SGIP1: variants seen among roughly 807,000 people sequenced by gnomAD.
SGIP1 encodes SH3GL interacting endocytic adaptor 1, also known as SH3-containing GRB2-like protein 3-interacting protein 1.
In SGIP1, 38 loss-of-function variants were observed where a neutral mutation model predicts 107.5. That is an observed-to-expected ratio of 0.35 (90% CI 0.27 to 0.46). SGIP1 has a LOEUF of 0.46. Ranked by LOEUF, SGIP1 falls within the 20% of genes least tolerant of loss-of-function variation. The pLI, the probability that SGIP1 is intolerant of heterozygous loss-of-function variation, is 1.00. For synonymous variants in SGIP1, 365 were observed against 366.1 expected (o/e 1.00, Z 0.03); for missense variants, 929 against 1,019.5 (o/e 0.91, Z 1.21).
chr1:66,667,683 T>A (rs1427153386), intron 9 of SGIP1, 142 bp downstream of exon 9: 3 of 743,176 alleles, frequency 4.0e-6, no homozygotes, highest in Non-Finnish European at 7.1e-6. Context: ...ATTGAAAGCC[T>A]CTGACCCTCT....
chr1:66,542,502 G>A (rs149114971), intron 1 of SGIP1, among the ~76,000 whole-genome samples: 248 of 152,190 alleles, frequency 1.6e-3, no homozygotes, highest in African/African-American at 5.4e-3. Flanking sequence ...CAGGCACTGC[G>A]ATATGCAACA....
chr1:66,723,301 G>A (rs2093622035), intron 19 of SGIP1, among the ~76,000 whole-genome samples: 1 of 152,166 alleles, frequency 6.6e-6, no homozygotes, highest in South Asian at 2.1e-4. Flanking sequence ...ATTGGGAACA[G>A]AAATCTACTA....
rs150756455 is a variant in SGIP1 at position 66,733,771 on chromosome 1, A to G, written c.1922A>G (p.Asn641Ser). The G allele has an allele frequency of 5.6e-6, 9 of 1,613,260 alleles. No homozygotes were observed. The African/African-American group carries it at 6.7e-5, about 12-fold the overall frequency. The change falls in exon 21 of 25, where the codon AAT (asparagine) becomes AGT (serine). Residue 641 changes from asparagine (N) to serine (S), a missense_variant. This residue lies in a region of SGIP1 where 341 missense variants were observed against 430.9 expected (regional missense o/e 0.79). Transcript: ENST00000371037. ...AGTGATAATACACAAAATGATGCCA[A>G]TACCAAGGAATTCTGGGTAAACATG... Reference protein sequence around the residue: ...LCCDNTQNDANTKEFWVNMPN... With the variant: ...LCCDNTQNDASTKEFWVNMPN...
chr1:66,612,431 G>A (rs943999228), intron 1 of SGIP1, among the ~76,000 whole-genome samples: 1 of 152,182 alleles, frequency 6.6e-6, no homozygotes. Flanking sequence ...AAGAGATGTG[G>A]ATTTTCCTCC....
intron 15 of SGIP1, among the ~76,000 whole-genome samples, chr1:66,686,374 T>A (rs1284842162): frequency 6.6e-6 from 1 of 152,244 alleles, no homozygotes; most frequent in Non-Finnish European, 1.5e-5. Context: ...CAACCTTTTT[T>A]AACTCACAAA....
At chr1:66,736,775 C>T (rs944024909) in intron 21 of SGIP1, among the ~76,000 whole-genome samples, 1 of 151,642 alleles carries the variant, frequency 6.6e-6, no homozygotes, top group Non-Finnish European at 1.5e-5. Flanking sequence ...GAATGCCACC[C>T]AGGTATCTGT....
At chr1:66,586,016 G>C (rs533187202) in intron 1 of SGIP1, among the ~76,000 whole-genome samples, 1 of 152,138 alleles carries the variant, frequency 6.6e-6, no homozygotes, top group African/African-American at 2.4e-5. Context: ...ATCAATTTTT[G>C]TTGCACATAT....
In SGIP1 at chr1:66,722,827, C is replaced by T. The variant is rs961433826; in HGVS notation, c.1742+3422C>T. Among the ~76,000 whole-genome samples the T allele has an allele frequency of 2.0e-5, 3 of 152,022 alleles. No individual in the cohort carries two copies. The East Asian group carries it at 5.8e-4, about 29-fold the overall frequency. On this transcript the variant is annotated intron_variant, in intron 19 of 24. Coordinates refer to ENST00000371037, the MANE Select transcript of SGIP1 (RefSeq NM_032291.4). ...CACTATGACAGGCGTGTAGGGTAGT[C>T]TGCACCTGTAAGCTTGATGTCTGCG...
At chr1:66,579,459 G>A (rs1296447959) in intron 1 of SGIP1, among the ~76,000 whole-genome samples, 1 of 152,120 alleles carries the variant, frequency 6.6e-6, no homozygotes, top group Non-Finnish European at 1.5e-5. Flanking sequence ...TATGGCAGAG[G>A]GCAGACTTGA....
intron 2 of SGIP1, among the ~76,000 whole-genome samples, chr1:66,629,581 A>G (rs12127654): frequency 0.15 from 22,546 of 152,186 alleles, 2,195 homozygotes; most frequent in East Asian, 0.46. Context: ...AGGGTAAAAA[A>G]AAAAGACAGT....
intron 1 of SGIP1, among the ~76,000 whole-genome samples, chr1:66,555,563 C>A (rs2058060364): frequency 6.6e-6 from 1 of 152,240 alleles, no homozygotes; most frequent in Non-Finnish European, 1.5e-5. Flanking sequence ...CAAATGACTC[C>A]TTTCCACAAA....
chr1:66,553,963 G>A lies in SGIP1; in HGVS notation c.10+19595G>A, dbSNP rs115205511. On this transcript the variant is annotated intron_variant, in intron 1 of 24. Coordinates refer to ENST00000371037, the MANE Select transcript of SGIP1 (RefSeq NM_032291.4). ...TGGTCACTTTCTGAGTGTCCAGCAG[G>A]ATGTGTCTGGACAGGCCTCATTTAT... Among the ~76,000 whole-genome samples the A allele has an allele frequency of 7.2e-3, 1,102 of 152,186 alleles. 9 individuals are homozygous for A. The highest frequency in any genetic ancestry group is 0.025 in the African/African-American group (1,037 of 41,542).
At chr1:66,715,979 AGCGCGGTGCTAAAT>A (rs2093217016) in intron 18 of SGIP1, among the ~76,000 whole-genome samples, 1 of 152,180 alleles carries the variant, frequency 6.6e-6, no homozygotes, top group Admixed American at 6.6e-5. Flanking sequence ...CTATGGTTCA[AGCGCGGTGCTAAAT>A]GCTTTGCCTC....
At chr1:66,615,352 C>T (rs1301877263) in intron 1 of SGIP1, among the ~76,000 whole-genome samples, 4 of 152,114 alleles carry the variant, frequency 2.6e-5, no homozygotes, top group Admixed American at 2.6e-4. Flanking sequence ...AAACTGTTCT[C>T]GAACTCCTGA....
At chr1:66,723,341 C>T (rs1365671896) in intron 19 of SGIP1, among the ~76,000 whole-genome samples, 3 of 152,172 alleles carry the variant, frequency 2.0e-5, no homozygotes, top group Non-Finnish European at 4.4e-5. Flanking sequence ...TGATATGTAA[C>T]CCATTTAAAT....
chr1:66,699,504 G>T (rs7520767), intron 18 of SGIP1, among the ~76,000 whole-genome samples: 3,029 of 152,086 alleles, frequency 0.02, 100 homozygotes, highest in African/African-American at 0.07. Context: ...CTTGATTTTT[G>T]CTCCAAGAAG....
Position 66,681,954 on chromosome 1 carries a change from C to T in SGIP1, c.900C>T (p.Ser300=), listed in dbSNP as rs1176473770. 4.3e-6 allele frequency: 7 copies of T among 1,614,194 alleles called. No individual in the cohort carries two copies. The South Asian group carries it at 6.6e-5, about 15-fold the overall frequency. The part of the protein sequence containing the change: ...DLDSIFGPVL[S]PKSVAVNAEE... The stretch of plus-strand genomic sequence containing the variant: ...ACAGCATTTTTGGGCCAGTATTGTC[C>T]CCCAAGTCTGTTGCTGTTAATGCTG... The change falls in exon 15 of 25, where the codon TCC becomes TCT. Residue 300 remains serine (S), a synonymous_variant. Coordinates refer to ENST00000371037, the MANE Select transcript of SGIP1 (RefSeq NM_032291.4).
chr1:66,547,520 T>C (rs1443516474), intron 1 of SGIP1, among the ~76,000 whole-genome samples: 2 of 152,192 alleles, frequency 1.3e-5, no homozygotes, highest in Non-Finnish European at 2.9e-5. Context: ...TGCTATCTTC[T>C]GTCTTCATGG....
At chr1:66,576,120 G>T (rs748418510) in intron 1 of SGIP1, among the ~76,000 whole-genome samples, 12 of 152,146 alleles carry the variant, frequency 7.9e-5, no homozygotes, top group Non-Finnish European at 1.8e-4. Flanking sequence ...ACTTGGGATG[G>T]GTCCTTCTGG....
Sources: gnomAD v4.1 joint callset for allele counts (sites outside exome capture counted in the v4.1 genomes callset) on GRCh38, gnomAD v4.1.1 for gene constraint, gnomAD v4.1.1 regional missense constraint, MANE v1.5 for transcripts, NCBI Gene and HGNC (gene_info 2026-07-23, HGNC 2026-07-21) for gene names.